Variants in MDGA2 observed in about 807,000 individuals in gnomAD.
The protein encoded by MDGA2 is MAM domain-containing glycosylphosphatidylinositol anchor protein 2.
MDGA2 carries 40 observed loss-of-function variants against 117.8 expected under a neutral mutation model. The observed-to-expected ratio is 0.34, with a 90% CI of 0.26 to 0.44. The LOEUF (loss-of-function observed/expected upper bound fraction) is 0.44. Among genes scored for constraint, MDGA2 ranks in the 20% least tolerant of loss-of-function variants. The pLI is 1.00. For synonymous variants in MDGA2, 452 were observed against 439.0 expected (o/e 1.03, Z -0.37); for missense variants, 1,123 against 1,250.6 (o/e 0.90, Z 1.54).
chr14:47,053,913 A>G (rs1440128605), intron 7 of MDGA2, among the ~76,000 whole-genome samples: 1 of 151,890 alleles, frequency 6.6e-6, no homozygotes, highest in Non-Finnish European at 1.5e-5. Flanking sequence ...AGCTGATCCC[A>G]TAATTCTATA....
intron 6 of MDGA2, among the ~76,000 whole-genome samples, chr14:47,092,963 G>T (rs1219784435): frequency 1.3e-5 from 2 of 152,092 alleles, no homozygotes; most frequent in African/African-American, 2.4e-5. Context: ...TCTAGGTAGA[G>T]AAACTTTCTA....
chr14:47,042,601 G>T (rs1205201265), intron 7 of MDGA2, among the ~76,000 whole-genome samples: 2 of 152,062 alleles, frequency 1.3e-5, no homozygotes, highest in Non-Finnish European at 2.9e-5. Flanking sequence ...ACATGCACAT[G>T]GATATACTCG....
chr14:47,382,341 A>G (rs1188576314), intron 1 of MDGA2, among the ~76,000 whole-genome samples: 2 of 152,232 alleles, frequency 1.3e-5, no homozygotes, highest in Admixed American at 6.5e-5. Context: ...AACAAAAGCC[A>G]AAATTGACAA....
chr14:47,512,842 C>T (rs566776480), intron 1 of MDGA2, among the ~76,000 whole-genome samples: 19 of 152,106 alleles, frequency 1.2e-4, no homozygotes, highest in Non-Finnish European at 2.2e-4. Context: ...ATTTAACACA[C>T]GATCTTTTCT....
intron 10 of MDGA2, among the ~76,000 whole-genome samples, chr14:46,903,585 A>G (rs908550959): frequency 9.2e-5 from 14 of 152,320 alleles, no homozygotes; most frequent in African/African-American, 3.4e-4. Flanking sequence ...TCTTTACTAT[A>G]GAGCCATTGC....
chr14:47,257,778 G>A (rs189819080), intron 2 of MDGA2, among the ~76,000 whole-genome samples: 1 of 152,156 alleles, frequency 6.6e-6, no homozygotes, highest in African/African-American at 2.4e-5. Flanking sequence ...CTCAGAAAGA[G>A]AACCTGAAGA....
chr14:47,549,527 T>A (rs1895539159), intron 1 of MDGA2, among the ~76,000 whole-genome samples: 3 of 152,152 alleles, frequency 2.0e-5, no homozygotes, highest in Admixed American at 2.0e-4. Flanking sequence ...ATATTTTCAA[T>A]ATGCAAAGCA....
chr14:47,220,464 A>G (rs760017111), intron 2 of MDGA2, among the ~76,000 whole-genome samples: 3 of 152,192 alleles, frequency 2.0e-5, no homozygotes, highest in Non-Finnish European at 2.9e-5. Context: ...TTCAAGCAGA[A>G]ATGTCCTTAC....
At chr14:47,300,703 T>C (rs1052693533) in intron 2 of MDGA2, among the ~76,000 whole-genome samples, 6 of 151,946 alleles carry the variant, frequency 3.9e-5, no homozygotes, top group Non-Finnish European at 5.9e-5. Context: ...CTCCTTTTGT[T>C]GCCCAGGCTG....
chr14:47,160,176 C>T (rs1883574590), intron 3 of MDGA2, among the ~76,000 whole-genome samples: 1 of 152,162 alleles, frequency 6.6e-6, no homozygotes, highest in South Asian at 2.1e-4. Flanking sequence ...ATGTTAGGAT[C>T]TACTTCTGGC....
At chr14:47,295,938 A>G (rs554281373) in intron 2 of MDGA2, among the ~76,000 whole-genome samples, 9,111 of 140,724 alleles carry the variant, frequency 0.065, 356 homozygotes, top group Middle Eastern at 0.091. Context: ...GATAAGATAG[A>G]TAGATAGATA....
intron 1 of MDGA2, among the ~76,000 whole-genome samples, chr14:47,637,821 T>C (rs1897351457): frequency 6.6e-6 from 1 of 152,212 alleles, no homozygotes; most frequent in South Asian, 2.1e-4. Flanking sequence ...TCATTGTTCT[T>C]CTTGGATGAA....
intron 3 of MDGA2, among the ~76,000 whole-genome samples, chr14:47,195,543 T>C (rs1885258985): frequency 6.6e-6 from 1 of 152,072 alleles, no homozygotes; most frequent in African/African-American, 2.4e-5. Context: ...TATCTTCATA[T>C]TAAGGTTTCT....
rs140667074 is a variant in MDGA2 at position 47,619,116 on chromosome 14, T to TATACACACACACAC, written c.280+55400_280+55401insGTGTGTGTGTGTAT. ...TAGCATCTCTGAGCCTCAGTTTAAT[T>TATACACACACACAC]ACACACACACACACACACACACACA... On this transcript the variant is annotated intron_variant, in intron 1 of 16. Transcript: ENST00000399232. 9.7e-3 allele frequency among the ~76,000 whole-genome samples: 877 copies of TATACACACACACAC among 90,786 alleles called. 6 individuals carry two copies. Among genetic ancestry groups the TATACACACACACAC allele is most frequent in the African/African-American group, 0.028 (714 of 25,410 alleles). 59.6% of individuals were successfully genotyped at this position (90,786 alleles called of 152,430 possible). A position where few individuals can be genotyped will look rare whatever the true frequency, so the allele number is the denominator to read the frequency against.
intron 1 of MDGA2, among the ~76,000 whole-genome samples, chr14:47,363,353 G>A (rs1365335345): frequency 6.6e-6 from 1 of 152,122 alleles, no homozygotes; most frequent in Non-Finnish European, 1.5e-5. Context: ...TGCCTCCCGG[G>A]TTCAAGCAAT....
intron 10 of MDGA2, among the ~76,000 whole-genome samples, chr14:46,914,447 C>T (rs1045393129): frequency 6.6e-6 from 1 of 151,862 alleles, no homozygotes; most frequent in Non-Finnish European, 1.5e-5. Flanking sequence ...AATTTCAGTG[C>T]TTTTTTTCTA....
chr14:47,485,257 C>T (rs1894035995), intron 1 of MDGA2, among the ~76,000 whole-genome samples: 1 of 152,098 alleles, frequency 6.6e-6, no homozygotes. Context: ...GCAAAGGTGA[C>T]TCTTGTTATG....
chr14:47,609,488 T>C (rs543848330), intron 1 of MDGA2, among the ~76,000 whole-genome samples: 1 of 132,914 alleles, frequency 7.5e-6, no homozygotes, highest in South Asian at 2.5e-4. Context: ...TACTTGTTGA[T>C]TGATGGGCAT....
intron 8 of MDGA2, chr14:46,996,731 G>A (rs1031366801): frequency 5.9e-6 from 1 of 169,444 alleles, no homozygotes; most frequent in African/African-American, 2.4e-5. Context: ...CAGTGTCAGT[G>A]GTAACCACAC....
Sources: gnomAD v4.1 joint callset for allele counts (sites outside exome capture counted in the v4.1 genomes callset) on GRCh38, gnomAD v4.1.1 for gene constraint, MANE v1.5 for transcripts, NCBI Gene and HGNC (gene_info 2026-07-23, HGNC 2026-07-21) for gene names.